Variants in ELF1 observed in about 807,000 individuals in gnomAD.
ELF1 encodes the protein E74 like ETS transcription factor 1, also known as ETS-related transcription factor Elf-1.
Under a neutral mutation model 59.9 loss-of-function variants are expected in ELF1, and 24 were observed. The ratio of observed to expected loss-of-function variants is 0.40; its 90% CI spans 0.29 to 0.56. The LOEUF is 0.56. Ranked by LOEUF, ELF1 falls within the 20% of genes least tolerant of loss-of-function variation. The probability of loss-of-function intolerance (pLI) is 0.44; values close to 1 mark genes in which losing one functional copy is unlikely to be tolerated. For missense variants in ELF1, 627 were observed against 742.2 expected (o/e 0.84, Z 1.80); for synonymous variants, 248 against 266.2 (o/e 0.93, Z 0.67).
rs552905896 is a variant in ELF1 at position 41,015,960 on chromosome 13, A to G, written c.-229+3268T>C. Among the ~76,000 whole-genome samples the G allele has an allele frequency of 2.0e-5, 3 of 152,286 alleles. No individual in the cohort carries two copies. In the South Asian group the frequency reaches 6.2e-4, roughly 32 times the overall value. On this transcript the variant is annotated intron_variant, in intron 1 of 8. Transcript: ENST00000239882. ...AAACCTTTCTCCTCTCAAACAGCGT[A>G]TATTCTTATTCTTATTGACGAAGAC...
At chr13:40,981,775 T>C (rs1258201036) in intron 2 of ELF1, among the ~76,000 whole-genome samples, 1 of 152,176 alleles carries the variant, frequency 6.6e-6, no homozygotes. Context: ...ACTTCCTTGT[T>C]ACCATATCAA....
At chr13:41,052,022 C>A (rs1394911084) in intron 1 of ELF1, among the ~76,000 whole-genome samples, 2 of 149,278 alleles carry the variant, frequency 1.3e-5, no homozygotes, top group Non-Finnish European at 3.0e-5. Context: ...CTCACTGCAA[C>A]CTCCACTTCC....
chr13:40,961,594 T>C (rs1871826170), intron 2 of ELF1, among the ~76,000 whole-genome samples: 1 of 152,142 alleles, frequency 6.6e-6, no homozygotes, highest in South Asian at 2.1e-4. Context: ...AATTATACCG[T>C]AACTCACATA....
chr13:41,029,985 AAT>A (rs1386568067), intron 1 of ELF1, among the ~76,000 whole-genome samples: 1 of 152,174 alleles, frequency 6.6e-6, no homozygotes, highest in Non-Finnish European at 1.5e-5. Flanking sequence ...CCTGGAGTTG[AAT>A]ATACAGTCCT....
chr13:41,037,798 AAAAAAAAAG>A (rs946463221), intron 1 of ELF1, among the ~76,000 whole-genome samples: 25 of 152,104 alleles, frequency 1.6e-4, no homozygotes, highest in Non-Finnish European at 1.0e-4. Context: ...TCCGTCTCAA[AAAAAAAAAG>A]AAAAAAAAGA....
At chr13:41,048,882 T>C (rs886479608) in intron 1 of ELF1, among the ~76,000 whole-genome samples, 6 of 151,994 alleles carry the variant, frequency 3.9e-5, no homozygotes, top group Non-Finnish European at 8.8e-5. Flanking sequence ...ACCTACTCAT[T>C]TCTTCATCTC....
At chr13:41,037,077 C>T (rs1876411053) in intron 1 of ELF1, among the ~76,000 whole-genome samples, 1 of 151,658 alleles carries the variant, frequency 6.6e-6, no homozygotes, top group Admixed American at 6.6e-5. Context: ...ACGTTGTACA[C>T]ATGTACCCTA....
chr13:40,998,142 C>A (rs1253898928), intron 1 of ELF1, among the ~76,000 whole-genome samples: 1 of 151,834 alleles, frequency 6.6e-6, no homozygotes, highest in Non-Finnish European at 1.5e-5. Flanking sequence ...GAGACCCTGT[C>A]TCAAAAAAAC....
intron 8 of ELF1, 99 bp from the exon 9 acceptor site, chr13:40,934,127 G>C: frequency 1.4e-6 from 2 of 1,441,108 alleles, no homozygotes; most frequent in Admixed American, 2.4e-5. Context: ...CCAGTTATGT[G>C]TTTCAAAATG....
intron 2 of ELF1, among the ~76,000 whole-genome samples, chr13:40,981,728 C>G (rs1873282262): frequency 6.6e-6 from 1 of 152,092 alleles, no homozygotes; most frequent in Non-Finnish European, 1.5e-5. Context: ...TGTTAAGTCT[C>G]ATTTTACAAA....
intron 1 of ELF1, among the ~76,000 whole-genome samples, chr13:41,012,713 TA>T (rs942001762): frequency 5.9e-5 from 9 of 151,320 alleles, no homozygotes; most frequent in African/African-American, 1.9e-4. Flanking sequence ...CTGGCTAACT[TA>T]AAAAAAAATT....
intron 3 of ELF1, 128 bp from the exon 4 acceptor site, chr13:40,951,564 A>G: frequency 1.8e-6 from 1 of 564,922 alleles, no homozygotes; most frequent in South Asian, 3.8e-5. Context: ...TATATAAACT[A>G]TAAACACACA....
intron 1 of ELF1, among the ~76,000 whole-genome samples, chr13:41,024,499 T>G (rs1474440399): frequency 2.6e-5 from 4 of 152,174 alleles, no homozygotes; most frequent in African/African-American, 9.7e-5. Context: ...TTTTTGTATT[T>G]TTTTGTATTT....
At chr13:41,004,579 C>A (rs1874638641) in intron 1 of ELF1, among the ~76,000 whole-genome samples, 1 of 152,066 alleles carries the variant, frequency 6.6e-6, no homozygotes, top group South Asian at 2.1e-4. Flanking sequence ...CATCTTTCAT[C>A]TTGAAGTTGT....
At chr13:41,027,497 G>C (rs1161383951) in intron 1 of ELF1, among the ~76,000 whole-genome samples, 1 of 152,202 alleles carries the variant, frequency 6.6e-6, no homozygotes, top group Admixed American at 6.5e-5. Flanking sequence ...CCACTGCTGA[G>C]TGCCCAATCT....
chr13:40,973,077 T>C (rs980700019), intron 2 of ELF1, among the ~76,000 whole-genome samples: 5 of 152,186 alleles, frequency 3.3e-5, no homozygotes, highest in Non-Finnish European at 7.4e-5. Context: ...CAAAATAAAG[T>C]AGAATAGGGC....
intron 1 of ELF1, among the ~76,000 whole-genome samples, chr13:41,027,134 C>T (rs1232633720): frequency 2.0e-5 from 3 of 152,210 alleles, no homozygotes; most frequent in African/African-American, 2.4e-5. Context: ...TGTGATTATA[C>T]GTCAATGCAT....
intron 1 of ELF1, among the ~76,000 whole-genome samples, chr13:41,044,795 G>T (rs1331408569): frequency 1.3e-5 from 2 of 152,154 alleles, no homozygotes; most frequent in Non-Finnish European, 2.9e-5. Context: ...GTATCAGGAT[G>T]ATGCTGGCCT....
chr13:41,060,166 G>C (rs753207268), intron 1 of ELF1, among the ~76,000 whole-genome samples: 23 of 152,290 alleles, frequency 1.5e-4, no homozygotes, highest in Non-Finnish European at 2.2e-4. Context: ...AAGGGGCGCC[G>C]GGCGGCTGCG....
Sources: gnomAD v4.1 joint callset for allele counts (sites outside exome capture counted in the v4.1 genomes callset) on GRCh38, gnomAD v4.1.1 for gene constraint, MANE v1.5 for transcripts, NCBI Gene and HGNC (gene_info 2026-07-23, HGNC 2026-07-21) for gene names.